DLGAP2: variants seen among roughly 807,000 people sequenced by gnomAD.
The protein encoded by DLGAP2 is DLG associated protein 2, also known as disks large-associated protein 2.
DLGAP2 carries 26 observed loss-of-function variants against 100.3 expected under a neutral mutation model. That is an observed-to-expected ratio of 0.26 (90% CI 0.19 to 0.36). The LOEUF (loss-of-function observed/expected upper bound fraction) is 0.36. Among genes scored for constraint, DLGAP2 ranks in the 10% least tolerant of loss-of-function variants. The pLI is 1.00. For missense variants in DLGAP2, 1,858 were observed against 1,453.2 expected, an observed-to-expected ratio of 1.28 and a Z score of -4.53; for synonymous variants, 886 against 630.1, an observed-to-expected ratio of 1.41 and a Z score of -6.08.
intron 3 of DLGAP2, chr8:1,297,019 G>A (rs1441067460): frequency 1.3e-5 from 2 of 152,322 alleles, no homozygotes; most frequent in African/African-American, 4.8e-5. Context: ...AGGAACTCAA[G>A]GAGCCGGAAA....
At chr8:1,318,453 A>G (rs1347164825) in intron 3 of DLGAP2, among the ~76,000 whole-genome samples, 3 of 150,308 alleles carry the variant, frequency 2.0e-5, no homozygotes, top group Non-Finnish European at 4.4e-5. Flanking sequence ...CGTATCTAGT[A>G]TATGCCAGTT....
chr8:816,093 G>T (rs552895450), intron 1 of DLGAP2, among the ~76,000 whole-genome samples: 1 of 152,258 alleles, frequency 6.6e-6, no homozygotes, highest in South Asian at 2.1e-4. Flanking sequence ...TTAAGTTTAT[G>T]TGAGTCCTTA....
chr8:1,315,561 A>G (rs1294779416), intron 3 of DLGAP2, among the ~76,000 whole-genome samples: 5 of 147,654 alleles, frequency 3.4e-5, no homozygotes, highest in African/African-American at 1.2e-4. Context: ...AGCGTTTAAA[A>G]ATAGAGCCTG....
At chr8:830,561 G>A (rs1042067365) in intron 1 of DLGAP2, among the ~76,000 whole-genome samples, 12 of 152,034 alleles carry the variant, frequency 7.9e-5, no homozygotes, top group Non-Finnish European at 1.6e-4. Context: ...TCTTGGTTTG[G>A]CAGATCATAC....
intron 3 of DLGAP2, among the ~76,000 whole-genome samples, chr8:1,387,469 C>T (rs1281700949): frequency 6.6e-6 from 1 of 152,124 alleles, no homozygotes. Context: ...CAGTCTGGTG[C>T]ACGGGGGCTG....
Position 932,168 on chromosome 8 carries a change from T to C in DLGAP2, c.73+24202T>C, listed in dbSNP as rs146807382. Among the ~76,000 whole-genome samples the C allele has an allele frequency of 3.9e-4, 59 of 152,314 alleles. No homozygotes were observed. In the East Asian group the frequency reaches 8.9e-3, roughly 23 times the overall value. ...TCGACAAACCTTTTCCTTTTCACCT[T>C]TTCCCTCTCACCTTTGGCCTCTAGA... is the stretch of plus-strand genomic sequence containing the variant. On this transcript the variant is annotated intron_variant, in intron 2 of 14. Coordinates refer to ENST00000637795, the MANE Select transcript of DLGAP2 (RefSeq NM_001346810.2).
At chr8:1,563,837 G>A (rs1428148709) in intron 5 of DLGAP2, among the ~76,000 whole-genome samples, 1 of 152,134 alleles carries the variant, frequency 6.6e-6, no homozygotes, top group Non-Finnish European at 1.5e-5. Context: ...TGGTAGTGCT[G>A]TCGATCGGCT....
intron 1 of DLGAP2, among the ~76,000 whole-genome samples, chr8:839,253 C>T (rs1357075865): frequency 6.6e-6 from 1 of 152,160 alleles, no homozygotes; most frequent in African/African-American, 2.4e-5. Context: ...AAAGGAATTG[C>T]ACTCAGTGTG....
rs1477234673 is a variant in DLGAP2, at chr8:1,470,756, AC to A, written c.107-30609del. Among the ~76,000 whole-genome samples, 40 of 10,944 alleles carry A rather than the reference AC, an allele frequency of 3.7e-3. 2 individuals carry two copies. Among genetic ancestry groups the A allele is most frequent in the African/African-American group, 0.011 (37 of 3,460 alleles). 7.2% of individuals were successfully genotyped at this position (10,944 alleles called of 152,430 possible). ...CTCCCCTTCCCCGACTCCTTCCCCG[AC>A]TCCTCCAGCCTTTCCCGACTCCCCC... is the stretch of plus-strand genomic sequence containing the variant. On this transcript the variant is annotated intron_variant, in intron 3 of 14. Coordinates refer to ENST00000637795, the MANE Select transcript of DLGAP2 (RefSeq NM_001346810.2).
chr8:1,640,641 G>A (rs779666944), intron 8 of DLGAP2, among the ~76,000 whole-genome samples: 8 of 151,998 alleles, frequency 5.3e-5, no homozygotes, highest in Non-Finnish European at 1.2e-4. Context: ...TCATGAAGAC[G>A]CCATCCCTGT....
intron 2 of DLGAP2, among the ~76,000 whole-genome samples, chr8:947,113 G>A (rs17740216): frequency 0.04 from 6,150 of 152,276 alleles, 259 homozygotes; most frequent in Admixed American, 0.13. Flanking sequence ...CTCCGGGTGC[G>A]CCCGCATCTG....
chr8:1,474,049 C>T lies in DLGAP2; in HGVS notation c.107-27317C>T, dbSNP rs557861021. Among the ~76,000 whole-genome samples the T allele has an allele frequency of 9.2e-4, 140 of 152,254 alleles. 1 individual carries two copies. Among genetic ancestry groups the T allele is most frequent in the African/African-American group, 2.4e-3 (98 of 41,544 alleles). On this transcript the variant is annotated intron_variant, in intron 3 of 14. Coordinates refer to ENST00000637795, the MANE Select transcript of DLGAP2 (RefSeq NM_001346810.2). ...TCTTTTATCCTTCACCCCTTCCCCC[C>T]GAGTCCCCAAAGTCCATTGTATCAT...
At chr8:1,174,137 G>T (rs1019552834) in intron 2 of DLGAP2, among the ~76,000 whole-genome samples, 1 of 152,106 alleles carries the variant, frequency 6.6e-6, no homozygotes, top group Non-Finnish European at 1.5e-5. Flanking sequence ...ATCTAAGTCG[G>T]GCTGGAACTG....
At position 1,470,814 on chromosome 8, in the gene DLGAP2, C is replaced by G. The variant is rs1449551652; in HGVS notation, c.107-30552C>G. ...TCCCGACCCCTCCAGCCTTTCCCGA[C>G]CCCTCCAGCCTTTCCCGACCCCTCC... On this transcript the variant is annotated intron_variant, in intron 3 of 14. Coordinates refer to ENST00000637795, the MANE Select transcript of DLGAP2 (RefSeq NM_001346810.2). 2.4e-4 allele frequency among the ~76,000 whole-genome samples: 23 copies of G among 94,384 alleles called. 2 individuals are homozygous for G. Among genetic ancestry groups the G allele is most frequent in the African/African-American group, 8.6e-4 (22 of 25,692 alleles). The allele number at this position is 94,384 out of a possible 152,430, so 61.9% of individuals were successfully genotyped here. A position where few individuals can be genotyped will look rare whatever the true frequency, so the allele number is the denominator to read the frequency against.
intron 1 of DLGAP2, among the ~76,000 whole-genome samples, chr8:815,323 C>G (rs1462693122): frequency 6.6e-6 from 1 of 152,138 alleles, no homozygotes; most frequent in Non-Finnish European, 1.5e-5. Flanking sequence ...GCAGAACACC[C>G]TGTTCCCTCA....
At chr8:1,532,198 C>G (rs1192368684) in intron 4 of DLGAP2, among the ~76,000 whole-genome samples, 2 of 152,146 alleles carry the variant, frequency 1.3e-5, no homozygotes, top group Non-Finnish European at 1.5e-5. Context: ...TTCCCTTTAG[C>G]TTAGTGATAT....
intron 2 of DLGAP2, among the ~76,000 whole-genome samples, chr8:943,622 A>AGTAAAT (rs1428654162): frequency 6.8e-6 from 1 of 146,822 alleles, no homozygotes; most frequent in East Asian, 2.1e-4. Flanking sequence ...AGGAGCTGGC[A>AGTAAAT]TGTGGACGTC....
intron 2 of DLGAP2, among the ~76,000 whole-genome samples, chr8:1,201,760 C>T (rs185458029): frequency 1.3e-5 from 2 of 152,212 alleles, no homozygotes; most frequent in East Asian, 3.9e-4. Context: ...GCTGTGCCCT[C>T]CCTCATCACC....
intron 2 of DLGAP2, among the ~76,000 whole-genome samples, chr8:1,040,183 C>T: frequency 7.2e-6 from 1 of 138,250 alleles, no homozygotes; most frequent in East Asian, 2.2e-4. Context: ...GCTCGGTTTC[C>T]ATGGTCAGCT....
Sources: allele counts gnomAD v4.1 joint callset (sites outside exome capture counted in the v4.1 genomes callset), GRCh38; gene constraint gnomAD v4.1.1; transcripts MANE v1.5; gene names NCBI Gene and HGNC (gene_info 2026-07-23, HGNC 2026-07-21).